Variants in COL21A1 observed in about 807,000 individuals in gnomAD.
COL21A1 encodes collagen type XXI alpha 1 chain, also known as collagen alpha-1(XXI) chain.
COL21A1 carries 149 observed loss-of-function variants against 137.9 expected under a neutral mutation model. The observed-to-expected ratio is 1.08, with a 90% CI of 0.95 to 1.24. COL21A1 has a LOEUF of 1.24. COL21A1 is among the 50% of genes most tolerant of loss of function. The pLI is 0.00. For missense variants in COL21A1, 1,167 were observed against 1,158.4 expected, an observed-to-expected ratio of 1.01 and a Z score of -0.11; for synonymous variants, 456 against 391.5, an observed-to-expected ratio of 1.16 and a Z score of -1.95.
intron 1 of COL21A1, among the ~76,000 whole-genome samples, chr6:56,318,938 AC>A (rs1177149893): frequency 1.3e-5 from 2 of 151,798 alleles, no homozygotes; most frequent in African/African-American, 4.8e-5. Context: ...ACACACACAC[AC>A]ACACACACTC....
At chr6:56,318,002 C>T (rs959035388) in intron 1 of COL21A1, among the ~76,000 whole-genome samples, 1 of 152,118 alleles carries the variant, frequency 6.6e-6, no homozygotes, top group African/African-American at 2.4e-5. Context: ...CACATAATTA[C>T]AATACAGTAA....
At chr6:56,248,052 A>G (rs1281433454), upstream of COL21A1, among the ~76,000 whole-genome samples, 1 of 152,238 alleles carries the variant, frequency 6.6e-6, no homozygotes, top group Non-Finnish European at 1.5e-5. Flanking sequence ...CAAATAGTCA[A>G]GTAGGCAGTG....
In COL21A1 at chr6:56,159,709, C is replaced by T. The variant is rs1256401337; in HGVS notation, c.1372-2760G>A. On this transcript the variant is annotated intron_variant, in intron 9 of 29. Transcript: ENST00000244728. Reference sequence around the variant, plus strand: ...CAATAACTACTTTTTGTCTGATATGCTTCAAATACAATCTGTCATTTACCC... The same window carrying T: ...CAATAACTACTTTTTGTCTGATATGTTTCAAATACAATCTGTCATTTACCC... 2.1e-5 allele frequency among the ~76,000 whole-genome samples: 3 copies of T among 145,718 alleles called. No individual in the cohort carries two copies. In the East Asian group the frequency reaches 6.1e-4, roughly 29 times the overall value.
intron 1 of COL21A1, among the ~76,000 whole-genome samples, chr6:56,344,615 T>A (rs1360460859): frequency 6.6e-6 from 1 of 152,192 alleles, no homozygotes; most frequent in Non-Finnish European, 1.5e-5. Flanking sequence ...ATTCGTTATT[T>A]CATTTACCCC....
intron 10 of COL21A1, among the ~76,000 whole-genome samples, chr6:56,154,788 C>T (rs945164935): frequency 2.2e-4 from 33 of 152,164 alleles, no homozygotes; most frequent in African/African-American, 7.7e-4. Flanking sequence ...TGTGTGTCAG[C>T]TGAAAAAATG....
At chr6:56,082,513 C>T (rs1255875704) in intron 17 of COL21A1, among the ~76,000 whole-genome samples, 1 of 151,834 alleles carries the variant, frequency 6.6e-6, no homozygotes, top group East Asian at 1.9e-4. Context: ...TAACTCAAAA[C>T]AAATTATGGT....
intron 16 of COL21A1, among the ~76,000 whole-genome samples, chr6:56,122,166 CT>C (rs141792550): frequency 0.15 from 22,850 of 152,170 alleles, 1,749 homozygotes; most frequent in Middle Eastern, 0.22. Context: ...TATATTACAT[CT>C]TTCCATTTAC....
At chr6:56,302,877 T>A (rs1280625674) in intron 1 of COL21A1, among the ~76,000 whole-genome samples, 1 of 152,194 alleles carries the variant, frequency 6.6e-6, no homozygotes, top group Non-Finnish European at 1.5e-5. Flanking sequence ...AACATTTAAG[T>A]CTTTAATCCA....
At chr6:56,274,753 C>T (rs80294115) in intron 1 of COL21A1, among the ~76,000 whole-genome samples, 1,546 of 152,106 alleles carry the variant, frequency 0.01, 32 homozygotes, top group African/African-American at 0.035. Flanking sequence ...TATTCCATGC[C>T]TATGGATTAA....
intron 1 of COL21A1, among the ~76,000 whole-genome samples, chr6:56,217,297 C>T (rs1177576319): frequency 6.6e-6 from 1 of 152,028 alleles, no homozygotes; most frequent in Non-Finnish European, 1.5e-5. Flanking sequence ...CCTGGGTCAT[C>T]TGAAACAAAA....
At chr6:56,334,539 G>A (rs569580387) in intron 1 of COL21A1, among the ~76,000 whole-genome samples, 11 of 152,270 alleles carry the variant, frequency 7.2e-5, no homozygotes, top group Non-Finnish European at 1.2e-4. Flanking sequence ...ACTACAATGA[G>A]ATTAGTTTGT....
intron 24 of COL21A1, 55 bp downstream of exon 24, chr6:56,064,523 G>T: frequency 1.7e-6 from 2 of 1,179,562 alleles, no homozygotes; most frequent in Non-Finnish European, 2.5e-6. Context: ...TCTCAGCATT[G>T]TCCAGTTATG....
intron 1 of COL21A1, among the ~76,000 whole-genome samples, chr6:56,373,599 C>G (rs1431581953): frequency 6.6e-6 from 1 of 152,118 alleles, no homozygotes; most frequent in African/African-American, 2.4e-5. Context: ...GAGACTCTGT[C>G]TCAAAAAACA....
At chr6:56,084,141 A>C (rs1211939437) in intron 17 of COL21A1, among the ~76,000 whole-genome samples, 1 of 151,910 alleles carries the variant, frequency 6.6e-6, no homozygotes, top group Non-Finnish European at 1.5e-5. Flanking sequence ...ATAAACCATA[A>C]TTTATATTTT....
At chr6:56,172,847 T>C (rs182070223) in intron 3 of COL21A1, among the ~76,000 whole-genome samples, 22 of 152,276 alleles carry the variant, frequency 1.4e-4, no homozygotes, top group African/African-American at 5.3e-4. Context: ...AATAAGTTGT[T>C]ATAATTACAT....
chr6:56,350,673 A>G (rs1765692605), intron 1 of COL21A1, among the ~76,000 whole-genome samples: 1 of 152,220 alleles, frequency 6.6e-6, no homozygotes, highest in African/African-American at 2.4e-5. Context: ...GGATCTATTA[A>G]TAGAAGAAGA....
rs1396359091 is a variant in COL21A1 at position 56,102,217 on chromosome 6, A to ATAATTTATAT, written c.1759-693_1759-692insATATAAATTA. Among the ~76,000 whole-genome samples the ATAATTTATAT allele has an allele frequency of 1.1e-4, 17 of 152,318 alleles. No homozygotes were observed. In the South Asian group the frequency reaches 3.5e-3, roughly 32 times the overall value. ...CACTTCTTCTACTAAAACAATAAAT[A>ATAATTTATAT]TTAGCTGAATATAATCCTAAAATGT... On this transcript the variant is annotated intron_variant, in intron 16 of 29. Transcript: ENST00000244728.
chr6:56,341,717 G>A (rs932160141), intron 1 of COL21A1, among the ~76,000 whole-genome samples: 3 of 152,102 alleles, frequency 2.0e-5, no homozygotes, highest in African/African-American at 4.8e-5. Flanking sequence ...TGAACCCCAC[G>A]GACTTTGGAG....
chr6:56,192,851 AGG>A (rs1423336891), intron 1 of COL21A1, among the ~76,000 whole-genome samples: 1 of 152,214 alleles, frequency 6.6e-6, no homozygotes, highest in Admixed American at 6.5e-5. Flanking sequence ...ATTCTACTGT[AGG>A]TACATATGCA....
Sources: gnomAD v4.1 joint callset for allele counts (sites outside exome capture counted in the v4.1 genomes callset) on GRCh38, gnomAD v4.1.1 for gene constraint, MANE v1.5 for transcripts, NCBI Gene and HGNC (gene_info 2026-07-23, HGNC 2026-07-21) for gene names.